The following HSPA1B variants were observed in gnomAD, a reference collection of about 807,000 sequenced individuals.
HSPA1B encodes heat shock 70 kDa protein 1B.
Under a neutral mutation model 9.0 loss-of-function variants are expected in HSPA1B, and 7 were observed. The observed-to-expected ratio is 0.78, with a 90% CI of 0.44 to 1.46. HSPA1B has a LOEUF of 1.46. Ranked by LOEUF, HSPA1B falls within the 40% of genes most tolerant of loss-of-function variation. The pLI is 0.01. For missense variants in HSPA1B, 199 were observed against 424.5 expected, an observed-to-expected ratio of 0.47 and a Z score of 4.67; for synonymous variants, 125 against 184.5, an observed-to-expected ratio of 0.68 and a Z score of 2.61.
In HSPA1B at chr6:31,829,833, A is replaced by C. The variant is rs1401614312; in HGVS notation, c.1883A>C (p.Lys628Thr). The C allele has an allele frequency of 9.3e-6, 15 of 1,612,292 alleles. No homozygotes were observed. The highest frequency in any genetic ancestry group is 1.3e-5 in the Non-Finnish European group (15 of 1,179,880). Residue 628 changes from lysine to threonine, a missense_variant, in exon 1 of 1, where the codon AAG (lysine) becomes ACG (threonine). Transcript: ENST00000375650. Reference sequence around the variant, plus strand: ...GGCGGCTTCGGGGCTCAGGGTCCCAAGGGAGGGTCTGGGTCAGGCCCTACC... The same window carrying C: ...GGCGGCTTCGGGGCTCAGGGTCCCACGGGAGGGTCTGGGTCAGGCCCTACC... The part of the protein sequence containing the change: ...GPGGFGAQGP[K>T]GGSGSGPTIE...
At position 31,828,021 on chromosome 6, in the gene HSPA1B, G is replaced by C. The variant is rs1267601763; in HGVS notation, c.71G>C (p.Gly24Ala). ...TCCTGCGTGGGGGTGTTCCAACACGGCAAGGTGGAGATCATCGCCAACGAC... is the reference window on the plus strand; with the variant it reads ...TCCTGCGTGGGGGTGTTCCAACACGCCAAGGTGGAGATCATCGCCAACGAC... ...TYSCVGVFQH[G>A]KVEIIANDQG... Residue 24 changes from glycine (G) to alanine (A), a missense_variant, in exon 1 of 1, where the codon GGC becomes GCC. By Grantham distance (60) the Gly-to-Ala change is moderately conservative. Coordinates refer to ENST00000375650, the MANE Select transcript of HSPA1B (RefSeq NM_005346.6). 1 of 1,611,076 alleles carries C rather than the reference G, an allele frequency of 6.2e-7. No individual in the cohort carries two copies. The highest frequency in any genetic ancestry group is 1.1e-5 in the South Asian group (1 of 90,956).
At position 31,830,052 on chromosome 6, in the gene HSPA1B, T is replaced by C; in HGVS notation, c.*176T>C. On this transcript the variant is annotated 3_prime_UTR_variant, in exon 1 of 1. Coordinates refer to ENST00000375650, the MANE Select transcript of HSPA1B (RefSeq NM_005346.6). ...TATTTTTGTAGTACAACCGATATGTTCATTAGAATTCTTTGCATTTAATGT... is the reference window on the plus strand; with the variant it reads ...TATTTTTGTAGTACAACCGATATGTCCATTAGAATTCTTTGCATTTAATGT... 1.3e-6 allele frequency: 1 copy of C among 771,272 alleles called. No homozygotes were observed. The highest frequency in any genetic ancestry group is 2.1e-6 in the Non-Finnish European group (1 of 478,594). The allele number at this position is 771,272 out of a possible 1,614,324, so 47.8% of individuals were successfully genotyped here.
Position 31,827,841 on chromosome 6 carries a change from C to T in HSPA1B, c.-110C>T, listed in dbSNP as rs541674586. 18 of 1,600,988 alleles carry T rather than the reference C, an allele frequency of 1.1e-5. No homozygotes were observed. The South Asian group carries it at 1.7e-4, about 15-fold the overall frequency. ...GAGCGAACCTGTGCGGCTGCAGGCA[C>T]CGGCGTGTTGAGTTTCCGGCGTTCC... On this transcript the variant is annotated 5_prime_UTR_variant, in exon 1 of 1. Transcript: ENST00000375650.
In HSPA1B at chr6:31,827,826, G is replaced by A; in HGVS notation, c.-125G>A. The A allele has an allele frequency of 6.3e-7, 1 of 1,581,248 alleles. No homozygotes were observed. The highest frequency in any genetic ancestry group is 8.6e-7 in the Non-Finnish European group (1 of 1,161,238). ...TCCCAAGGCTTTCCAGAGCGAACCTGTGCGGCTGCAGGCACCGGCGTGTTG... is the reference window on the plus strand; with the variant it reads ...TCCCAAGGCTTTCCAGAGCGAACCTATGCGGCTGCAGGCACCGGCGTGTTG... On this transcript the variant is annotated 5_prime_UTR_variant, in exon 1 of 1. In the 5' UTR this introduces an upstream ATG that the reference lacks. Coordinates refer to ENST00000375650, the MANE Select transcript of HSPA1B (RefSeq NM_005346.6).
Position 31,830,146 on chromosome 6 carries a change from GTTTTTT to G in HSPA1B, c.*289_*294del, listed in dbSNP as rs9279427. 392 of 83,828 alleles carry G rather than the reference GTTTTTT, an allele frequency of 4.7e-3. No individual in the cohort carries two copies. Among genetic ancestry groups the G allele is most frequent in the Middle Eastern group, 8.8e-3 (1 of 114 alleles). 5.2% of individuals were successfully genotyped at this position (83,828 alleles called of 1,614,324 possible). A position where few individuals can be genotyped will look rare whatever the true frequency, so the allele number is the denominator to read the frequency against. ...TGCCACCTTCTGTACGAGTTTGTTT[GTTTTTT>G]TTTTTTTTTTTTTTTTTTGCTTGGC... is the stretch of plus-strand genomic sequence containing the variant. On this transcript the variant is annotated 3_prime_UTR_variant, in exon 1 of 1. Transcript: ENST00000375650.
chr6:31,830,014 T>A lies in HSPA1B; in HGVS notation c.*138T>A. On this transcript the variant is annotated 3_prime_UTR_variant, in exon 1 of 1. Coordinates refer to ENST00000375650, the MANE Select transcript of HSPA1B (RefSeq NM_005346.6). The stretch of plus-strand genomic sequence containing the variant: ...TGTAAAGTTGTAACCTGATGGTAAT[T>A]AGCTGGCTTCATTATTTTTGTAGTA... 1 of 1,075,520 alleles carries A rather than the reference T, an allele frequency of 9.3e-7. No homozygotes were observed. The highest frequency in any genetic ancestry group is 1.4e-6 in the Non-Finnish European group (1 of 739,350). The allele number at this position is 1,075,520 out of a possible 1,614,324, so 66.6% of individuals were successfully genotyped here.
In HSPA1B at chr6:31,829,991, T is replaced by TAC; in HGVS notation, c.*116_*117insCA. ...AGCTCTTTGCTGCTTCACTTCTTTG[T>TAC]AAAGTTGTAACCTGATGGTAATTAG... On this transcript the variant is annotated 3_prime_UTR_variant, in exon 1 of 1. Transcript: ENST00000375650. The TAC allele has an allele frequency of 1.5e-6, 2 of 1,300,022 alleles. No individual in the cohort carries two copies. The highest frequency in any genetic ancestry group is 2.1e-6 in the Non-Finnish European group (2 of 957,580). 80.5% of individuals were successfully genotyped at this position (1,300,022 alleles called of 1,614,324 possible). A position where few individuals can be genotyped will look rare whatever the true frequency, so the allele number is the denominator to read the frequency against.
chr6:31,829,386 A>C lies in HSPA1B; in HGVS notation c.1436A>C (p.Asp479Ala). The change falls in exon 1 of 1, where the codon GAC (aspartate) becomes GCC (alanine). Residue 479 changes from aspartate (D) to alanine (A), a missense_variant. Physicochemically the swap from Asp to Ala is moderately radical, Grantham distance 126 (BLOSUM62 -2). This residue lies in a region of HSPA1B where 14 missense variants were observed against 147.2 expected (regional missense o/e 0.10). Transcript: ENST00000375650. ...RGVPQIEVTFDIDANGILNVT... is the reference protein window; with the variant it reads ...RGVPQIEVTFAIDANGILNVT... ...GTGCCCCAGATCGAGGTGACCTTCG[A>C]CATCGATGCCAACGGCATCCTGAAC... 1.2e-6 allele frequency: 1 copy of C among 861,608 alleles called. No individual in the cohort carries two copies. Among genetic ancestry groups the C allele is most frequent in the Non-Finnish European group, 1.7e-6 (1 of 587,616 alleles). 53.4% of individuals were successfully genotyped at this position (861,608 alleles called of 1,614,324 possible).
rs1417016467 is a variant in HSPA1B, at chr6:31,827,980, C to G, written c.30C>G (p.Asp10Glu). Reference sequence around the variant, plus strand: ...CCAAAGCCGCGGCGATCGGCATCGACCTGGGCACCACCTACTCCTGCGTGG... The same window carrying G: ...CCAAAGCCGCGGCGATCGGCATCGAGCTGGGCACCACCTACTCCTGCGTGG... MAKAAAIGI[D>E]LGTTYSCVGV... Residue 10 changes from aspartate (D) to glutamate (E), a missense_variant, in exon 1 of 1, where the codon GAC (aspartate) becomes GAG (glutamate). Physicochemically the swap from Asp to Glu is conservative, Grantham distance 45. This residue lies in a region of HSPA1B where 51 missense variants were observed against 70.9 expected (regional missense o/e 0.72). Coordinates refer to ENST00000375650, the MANE Select transcript of HSPA1B (RefSeq NM_005346.6). 6 of 1,612,956 alleles carry G rather than the reference C, an allele frequency of 3.7e-6. No homozygotes were observed. Among genetic ancestry groups the G allele is most frequent in the Non-Finnish European group, 5.1e-6 (6 of 1,179,724 alleles).
chr6:31,827,832 C>T lies in HSPA1B; in HGVS notation c.-119C>T, dbSNP rs1233029238. ...GGCTTTCCAGAGCGAACCTGTGCGG[C>T]TGCAGGCACCGGCGTGTTGAGTTTC... On this transcript the variant is annotated 5_prime_UTR_variant, in exon 1 of 1. Transcript: ENST00000375650. 1.0e-5 allele frequency: 16 copies of T among 1,589,546 alleles called. No individual in the cohort carries two copies. Among genetic ancestry groups the T allele is most frequent in the Non-Finnish European group, 1.3e-5 (15 of 1,166,480 alleles).
chr6:31,827,884 T>C lies in HSPA1B; in HGVS notation c.-67T>C. On this transcript the variant is annotated 5_prime_UTR_variant, in exon 1 of 1. Transcript: ENST00000375650. ...GGCGTTCCGAAGGACTGAGCTCTTGTCGCGGATCCCGTCCGCCGTTTCCAG... is the reference window on the plus strand; with the variant it reads ...GGCGTTCCGAAGGACTGAGCTCTTGCCGCGGATCCCGTCCGCCGTTTCCAG... The C allele has an allele frequency of 6.2e-7, 1 of 1,612,812 alleles. No homozygotes were observed. Among genetic ancestry groups the C allele is most frequent in the Non-Finnish European group, 8.5e-7 (1 of 1,179,730 alleles).
chr6:31,829,056 T>TA lies in HSPA1B; in HGVS notation c.1106_1107insA (p.Ala370GlyfsTer187). The TA allele has an allele frequency of 5.6e-6, 1 of 179,718 alleles. No homozygotes were observed. 11.1% of individuals were successfully genotyped at this position (179,718 alleles called of 1,614,324 possible). A position where few individuals can be genotyped will look rare whatever the true frequency, so the allele number is the denominator to read the frequency against. Reference sequence around the variant, plus strand: ...AAGAGCATCAACCCCGACGAGGCTGTGGCCTACGGGGCGGCGGTGCAGGCG... The same window carrying TA: ...AAGAGCATCAACCCCGACGAGGCTGTAGGCCTACGGGGCGGCGGTGCAGGCG... On this transcript the variant is annotated frameshift_variant, in exon 1 of 1. Coordinates refer to ENST00000375650, the MANE Select transcript of HSPA1B (RefSeq NM_005346.6). LOFTEE classifies it high-confidence loss of function.
Position 31,828,427 on chromosome 6 carries a change from G to A in HSPA1B, c.477G>A (p.Lys159=). The change falls in exon 1 of 1, where the codon AAG becomes AAA. Residue 159 remains lysine, a synonymous_variant. Transcript: ENST00000375650. ...ACGACTCGCAGCGCCAGGCCACCAA[G>A]GATGCGGGTGTGATCGCGGGGCTCA... ...YFNDSQRQAT[K]DAGVIAGLNV... The A allele has an allele frequency of 2.9e-6, 1 of 347,986 alleles. No individual in the cohort carries two copies. Among genetic ancestry groups the A allele is most frequent in the East Asian group, 4.6e-5 (1 of 21,938 alleles). The allele number at this position is 347,986 out of a possible 1,614,324, so 21.6% of individuals were successfully genotyped here.
chr6:31,827,965 G>A lies in HSPA1B; in HGVS notation c.15G>A (p.Ala5=). Residue 5 remains alanine (A), a synonymous_variant, in exon 1 of 1, where the codon GCG becomes GCA. Coordinates refer to ENST00000375650, the MANE Select transcript of HSPA1B (RefSeq NM_005346.6). ...AGGGCACCGGCATGGCCAAAGCCGC[G>A]GCGATCGGCATCGACCTGGGCACCA... MAKA[A]AIGIDLGTTY... The A allele has an allele frequency of 6.2e-7, 1 of 1,613,232 alleles. No individual in the cohort carries two copies. Among genetic ancestry groups the A allele is most frequent in the South Asian group, 1.1e-5 (1 of 91,054 alleles).
chr6:31,827,919 T>G lies in HSPA1B; in HGVS notation c.-32T>G, dbSNP rs753327404. ...CGTCCGCCGTTTCCAGCCCCCAGTC[T>G]CAGAGCGGAGCCCACAGAGCAGGGC... On this transcript the variant is annotated 5_prime_UTR_variant, in exon 1 of 1. Coordinates refer to ENST00000375650, the MANE Select transcript of HSPA1B (RefSeq NM_005346.6). 1 of 1,613,250 alleles carries G rather than the reference T, an allele frequency of 6.2e-7. No individual in the cohort carries two copies. Among genetic ancestry groups the G allele is most frequent in the South Asian group, 1.1e-5 (1 of 91,052 alleles).
Position 31,829,920 on chromosome 6 carries a change from G to C in HSPA1B, c.*44G>C. 2 of 1,589,478 alleles carry C rather than the reference G, an allele frequency of 1.3e-6. No homozygotes were observed. The highest frequency in any genetic ancestry group is 1.7e-6 in the Non-Finnish European group (2 of 1,168,532). ...ATGTTTGTCTTTGAGGTGGACTGTTGGGACTCAAGGACTTTGCTGCTGTTT... is the reference window on the plus strand; with the variant it reads ...ATGTTTGTCTTTGAGGTGGACTGTTCGGACTCAAGGACTTTGCTGCTGTTT... On this transcript the variant is annotated 3_prime_UTR_variant, in exon 1 of 1. Coordinates refer to ENST00000375650, the MANE Select transcript of HSPA1B (RefSeq NM_005346.6).
rs1816840230 is a variant in HSPA1B, at chr6:31,828,340, C to T, written c.390C>T (p.Ile130=). 6 of 466,704 alleles carry T rather than the reference C, an allele frequency of 1.3e-5. No homozygotes were observed. Among genetic ancestry groups the T allele is most frequent in the Non-Finnish European group, 2.1e-5 (6 of 285,696 alleles). 28.9% of individuals were successfully genotyped at this position (466,704 alleles called of 1,614,324 possible). ...SSMVLTKMKE[I]AEAYLGYPVT... is the part of the protein sequence containing the mutation. ...TGGTGCTGACCAAGATGAAGGAGAT[C>T]GCCGAGGCGTACCTGGGCTACCCGG... The change falls in exon 1 of 1, where the codon ATC becomes ATT. Residue 130 remains isoleucine, a synonymous_variant. Coordinates refer to ENST00000375650, the MANE Select transcript of HSPA1B (RefSeq NM_005346.6).
rs1438901175 is a variant in HSPA1B at position 31,830,142 on chromosome 6, GTTTGTTTTTTTTTTTTT to G, written c.*270_*286del. The G allele has an allele frequency of 2.8e-4, 32 of 114,256 alleles. No individual in the cohort carries two copies. The highest frequency in any genetic ancestry group is 4.1e-4 in the Non-Finnish European group (27 of 65,716). 7.1% of individuals were successfully genotyped at this position (114,256 alleles called of 1,614,324 possible). A position where few individuals can be genotyped will look rare whatever the true frequency, so the allele number is the denominator to read the frequency against. ...ACACTGCCACCTTCTGTACGAGTTTGTTTGTTTTTTTTTTTTTTTTTTTTTTTTGCTTGGCGAAAACA... is the reference window on the plus strand; with the variant it reads ...ACACTGCCACCTTCTGTACGAGTTTGTTTTTTTTTTTGCTTGGCGAAAACA... On this transcript the variant is annotated 3_prime_UTR_variant, in exon 1 of 1. Transcript: ENST00000375650.
rs1816830719 is a variant in HSPA1B, at chr6:31,828,203, T to A, written c.253T>A (p.Ser85Thr). Residue 85 changes from serine (S) to threonine (T), a missense_variant, in exon 1 of 1, where the codon TCG (serine) becomes ACG (threonine). Coordinates refer to ENST00000375650, the MANE Select transcript of HSPA1B (RefSeq NM_005346.6). Reference sequence around the variant, plus strand: ...CAAGTTCGGCGACCCGGTGGTGCAGTCGGACATGAAGCACTGGCCTTTCCA... The same window carrying A: ...CAAGTTCGGCGACCCGGTGGTGCAGACGGACATGAAGCACTGGCCTTTCCA... ...GRKFGDPVVQ[S>T]DMKHWPFQVI... 1.6e-6 allele frequency: 2 copies of A among 1,227,382 alleles called. No individual in the cohort carries two copies. Among genetic ancestry groups the A allele is most frequent in the Non-Finnish European group, 2.2e-6 (2 of 903,280 alleles). The allele number at this position is 1,227,382 out of a possible 1,614,324, so 76.0% of individuals were successfully genotyped here.
Sources: allele counts gnomAD v4.1 joint callset, GRCh38; gene constraint gnomAD v4.1.1; regional missense constraint gnomAD v4.1.1; transcripts MANE v1.5; gene names NCBI Gene and HGNC (gene_info 2026-07-23, HGNC 2026-07-21).